Variants in SLC20A2 observed in about 807,000 individuals in gnomAD.
SLC20A2 encodes the protein sodium-dependent phosphate transporter 2.
A neutral mutation model predicts 61.0 loss-of-function variants in SLC20A2; 30 were observed. The observed-to-expected ratio is 0.49, with a 90% CI of 0.37 to 0.67. The LOEUF is 0.67. Ranked by LOEUF, SLC20A2 falls within the 30% of genes least tolerant of loss-of-function variation. The pLI is 0.00. For missense variants in SLC20A2, 626 were observed against 866.4 expected (o/e 0.72, Z 3.48); for synonymous variants, 351 against 353.3 (o/e 0.99, Z 0.07).
In SLC20A2 at chr8:42,521,674, G is replaced by A. The variant is rs1343167532; in HGVS notation, c.-265+20147C>T. Among the ~76,000 whole-genome samples the A allele has an allele frequency of 3.3e-5, 4 of 120,060 alleles. 1 individual carries two copies. Among genetic ancestry groups the A allele is most frequent in the African/African-American group, 1.0e-4 (4 of 39,220 alleles). The allele number at this position is 120,060 out of a possible 152,430, so 78.8% of individuals were successfully genotyped here. On this transcript the variant is annotated intron_variant, in intron 1 of 10. Transcript: ENST00000342228. The stretch of plus-strand genomic sequence containing the variant: ...CTGGCTGATTTTTGTACTTTTTGTA[G>A]AGATGGGGTTTTGCCATGTTGCCCA...
intron 6 of SLC20A2, among the ~76,000 whole-genome samples, chr8:42,440,090 A>AT (rs1804655533): frequency 6.6e-6 from 1 of 151,982 alleles, no homozygotes. Context: ...GTCTCAAAAA[A>AT]AAAAAAAGAA....
At chr8:42,473,651 T>G (rs1333951871) in intron 1 of SLC20A2, among the ~76,000 whole-genome samples, 4 of 152,108 alleles carry the variant, frequency 2.6e-5, no homozygotes, top group African/African-American at 9.7e-5. Context: ...ATCCATGAAA[T>G]AAAAATGTCA....
At chr8:42,474,035 G>A in intron 1 of SLC20A2, among the ~76,000 whole-genome samples, 1 of 152,080 alleles carries the variant, frequency 6.6e-6, no homozygotes, top group East Asian at 1.9e-4. Flanking sequence ...GCTGGGCCTG[G>A]TGGCAGATGC....
intron 1 of SLC20A2, among the ~76,000 whole-genome samples, chr8:42,517,901 C>CA (rs1416284626): frequency 1.2e-4 from 18 of 152,086 alleles, no homozygotes; most frequent in Non-Finnish European, 2.9e-5. Flanking sequence ...GTTGTATGTA[C>CA]AAAAACATTG....
At chr8:42,433,375 G>A (rs539150762) in intron 8 of SLC20A2, among the ~76,000 whole-genome samples, 17 of 152,278 alleles carry the variant, frequency 1.1e-4, no homozygotes, top group African/African-American at 4.1e-4. Flanking sequence ...CCAGGCTGGA[G>A]TGCAGTGACA....
At chr8:42,478,072 G>T (rs1001829304) in intron 1 of SLC20A2, among the ~76,000 whole-genome samples, 1 of 151,388 alleles carries the variant, frequency 6.6e-6, no homozygotes, top group African/African-American at 2.4e-5. Context: ...TTTTAGTAGA[G>T]ACACGGTTTC....
chr8:42,487,461 G>A (rs1388531074), intron 1 of SLC20A2, among the ~76,000 whole-genome samples: 1 of 152,200 alleles, frequency 6.6e-6, no homozygotes, highest in Non-Finnish European at 1.5e-5. Context: ...ACAGGCGTGA[G>A]CCACCGTGCC....
chr8:42,437,375 C>T lies in SLC20A2; in HGVS notation c.1137G>A (p.Leu379=), dbSNP rs140966410. Residue 379 remains leucine, a synonymous_variant, in exon 8 of 11, where the codon CTG becomes CTA. Transcript: ENST00000520262. This position sits in a 1 kb window ranked among gnomAD's most constrained non-coding sequence, Gnocchi z 6.4. Reference sequence around the variant, plus strand: ...AGGTGTAACTGTTGTTTCGGCGCAGCAGCCGGTAGTTGCTTTCCTGGGCTG... The same window carrying T: ...AGGTGTAACTGTTGTTTCGGCGCAGTAGCCGGTAGTTGCTTTCCTGGGCTG... ...EKPAQESNYR[L]LRRNNSYTCY... 2.5e-6 allele frequency: 4 copies of T among 1,614,064 alleles called. No individual in the cohort carries two copies. In the African/African-American group the frequency reaches 4.0e-5, roughly 16 times the overall value.
upstream of SLC20A2, among the ~76,000 whole-genome samples, chr8:42,501,869 C>G (rs993555893): frequency 3.9e-5 from 6 of 152,100 alleles, no homozygotes; most frequent in Non-Finnish European, 1.5e-5. Context: ...GGTGACTGAC[C>G]ATCTACAAAG....
rs192446859 is a variant in SLC20A2, at chr8:42,497,517, G to A, written c.-265+3514C>T. On this transcript the variant is annotated intron_variant, in intron 1 of 10. Transcript: ENST00000520262. ...CCCCACTGTCGGCACCTCTGTTCCA[G>A]CCCAACCCTTGCTGGACCTGACCCT... is the stretch of plus-strand genomic sequence containing the variant. Among the ~76,000 whole-genome samples the A allele has an allele frequency of 5.9e-5, 9 of 152,198 alleles. No individual in the cohort carries two copies. In the East Asian group the frequency reaches 1.4e-3, roughly 23 times the overall value.
chr8:42,427,121 G>A (rs545843811), intron 10 of SLC20A2, among the ~76,000 whole-genome samples: 3 of 152,374 alleles, frequency 2.0e-5, no homozygotes, highest in African/African-American at 4.8e-5. Context: ...CTTGCCAGGC[G>A]GAGCCGGGGA....
rs1473515127 is a variant in SLC20A2, at chr8:42,472,432, T to C, written c.-42A>G. 7 of 1,576,124 alleles carry C rather than the reference T, an allele frequency of 4.4e-6. No individual in the cohort carries two copies. The highest frequency in any genetic ancestry group is 1.1e-5 in the South Asian group (1 of 87,150). The stretch of plus-strand genomic sequence containing the variant: ...CGGGTACTTTTCTTTTGCAGGAATA[T>C]TTTAAATAAACAAAGCTTGAGGTTA... On this transcript the variant is annotated 5_prime_UTR_variant, in exon 2 of 11. Transcript: ENST00000520262. The surrounding 1 kb of genome is among the most constrained non-coding windows in gnomAD (Gnocchi z 4.1).
intron 5 of SLC20A2, among the ~76,000 whole-genome samples, chr8:42,450,031 C>T (rs1805518067): frequency 6.6e-6 from 1 of 152,132 alleles, no homozygotes; most frequent in South Asian, 2.1e-4. Flanking sequence ...GCTCTAATAT[C>T]TTGCCTTATA....
At chr8:42,536,149 A>C (rs1394977122) in intron 1 of SLC20A2, among the ~76,000 whole-genome samples, 1 of 152,228 alleles carries the variant, frequency 6.6e-6, no homozygotes, top group Non-Finnish European at 1.5e-5. Flanking sequence ...CAGATACTTA[A>C]ACAGAACACA....
chr8:42,449,336 C>T (rs984894887), intron 5 of SLC20A2, among the ~76,000 whole-genome samples: 2 of 152,188 alleles, frequency 1.3e-5, no homozygotes, highest in African/African-American at 2.4e-5. Context: ...CTTTCATTTG[C>T]GGAGCAGCTA....
chr8:42,489,643 C>A (rs560162505), intron 1 of SLC20A2, among the ~76,000 whole-genome samples: 3 of 152,298 alleles, frequency 2.0e-5, no homozygotes, highest in South Asian at 2.1e-4. Context: ...CCCTACAGTG[C>A]GCAGCTGCCA....
At chr8:42,535,905 A>G (rs968304168) in intron 1 of SLC20A2, among the ~76,000 whole-genome samples, 2 of 152,210 alleles carry the variant, frequency 1.3e-5, no homozygotes, top group Non-Finnish European at 2.9e-5. Context: ...AGAATAGATC[A>G]CGTCCAGAAT....
chr8:42,467,509 A>G (rs1030151663), intron 2 of SLC20A2, among the ~76,000 whole-genome samples: 1 of 152,248 alleles, frequency 6.6e-6, no homozygotes, highest in African/African-American at 2.4e-5. Context: ...TTAATTCTGG[A>G]AACCTGGTTG....
chr8:42,541,882 C>T (rs1217774620), exon 1 of SLC20A2: 2 of 152,102 alleles, frequency 1.3e-5, no homozygotes, highest in African/African-American at 4.8e-5. Context: ...GGCGCGGAGC[C>T]CCTCGGCGTC....
Sources: gnomAD v4.1 joint callset for allele counts (sites outside exome capture counted in the v4.1 genomes callset) on GRCh38, gnomAD v4.1.1 for gene constraint, Gnocchi (gnomAD v3.1) non-coding constraint, MANE v1.5 for transcripts, NCBI Gene and HGNC (gene_info 2026-07-23, HGNC 2026-07-21) for gene names.